DPYD: variants seen among roughly 807,000 people sequenced by gnomAD.
DPYD encodes dihydropyrimidine dehydrogenase [NADP(+)].
Under a neutral mutation model 116.2 loss-of-function variants are expected in DPYD, and 109 were observed. The observed-to-expected ratio is 0.94, with a 90% CI of 0.80 to 1.10. The LOEUF is 1.10. Among genes scored for constraint, DPYD ranks in the 50% least tolerant of loss-of-function variants. DPYD has a pLI of 0.00. For missense variants in DPYD, 1,302 were observed against 1,254.5 expected (o/e 1.04, Z -0.57); for synonymous variants, 440 against 432.0 (o/e 1.02, Z -0.23).
At position 97,593,204 on chromosome 1, in the gene DPYD, T is replaced by A; in HGVS notation, c.1128+14A>T. ...TGGAGTACAACTCCATATTTTCTGA[T>A]GGTTCCATTTTACCTCCTCAGGGAC... On this transcript the variant is annotated intron_variant, in intron 10 of 22. Transcript: ENST00000370192. 1 of 1,613,736 alleles carries A rather than the reference T, an allele frequency of 6.2e-7. No homozygotes were observed. Among genetic ancestry groups the A allele is most frequent in the East Asian group, 2.2e-5 (1 of 44,878 alleles).
At chr1:97,539,560 C>T (rs1309872254) in intron 12 of DPYD, among the ~76,000 whole-genome samples, 1 of 152,096 alleles carries the variant, frequency 6.6e-6, no homozygotes, top group African/African-American at 2.4e-5. Context: ...CCTTCCACTA[C>T]TGGTAATAAA....
chr1:97,339,989 G>T (rs984510971), intron 16 of DPYD, among the ~76,000 whole-genome samples: 2 of 152,090 alleles, frequency 1.3e-5, no homozygotes, highest in African/African-American at 4.8e-5. Flanking sequence ...GTCTTAGTGT[G>T]ATCATTGTCA....
At chr1:97,324,425 T>C (rs1233787109) in intron 16 of DPYD, among the ~76,000 whole-genome samples, 1 of 152,052 alleles carries the variant, frequency 6.6e-6, no homozygotes, top group East Asian at 1.9e-4. Context: ...CAATATCTGG[T>C]CCAATAAATT....
At chr1:97,130,707 TCTCC>T (rs1438748833) in intron 20 of DPYD, among the ~76,000 whole-genome samples, 1 of 138,250 alleles carries the variant, frequency 7.2e-6, no homozygotes, top group African/African-American at 2.7e-5. Flanking sequence ...TCCTTCCCTC[TCTCC>T]CTCTCTCTTT....
intron 18 of DPYD, 74 bp from the exon 19 acceptor site, chr1:97,235,068 C>A: frequency 6.4e-7 from 1 of 1,572,922 alleles, no homozygotes; most frequent in African/African-American, 1.3e-5. Flanking sequence ...ACTTCTATTA[C>A]TATGATGTGA....
At chr1:97,283,044 G>A (rs1665426956) in intron 18 of DPYD, among the ~76,000 whole-genome samples, 1 of 151,820 alleles carries the variant, frequency 6.6e-6, no homozygotes, top group Non-Finnish European at 1.5e-5. Context: ...GTGTCTTTAT[G>A]GTGAAATGAT....
chr1:97,085,654 A>G (rs1033063025), intron 21 of DPYD, among the ~76,000 whole-genome samples: 1 of 152,186 alleles, frequency 6.6e-6, no homozygotes, highest in Admixed American at 6.5e-5. Flanking sequence ...AGGTAGTACT[A>G]CCAGCTTATG....
At chr1:97,758,557 T>G (rs555445549) in intron 3 of DPYD, among the ~76,000 whole-genome samples, 1 of 152,264 alleles carries the variant, frequency 6.6e-6, no homozygotes, top group African/African-American at 2.4e-5. Context: ...TCCACAGCAG[T>G]AAAAATGATA....
At chr1:97,313,184 T>G (rs1282459573) in intron 16 of DPYD, among the ~76,000 whole-genome samples, 1 of 151,908 alleles carries the variant, frequency 6.6e-6, no homozygotes, top group South Asian at 2.1e-4. Flanking sequence ...ACCTGACACA[T>G]AGTAGGCATT....
intron 7 of DPYD, among the ~76,000 whole-genome samples, chr1:97,685,190 T>A (rs1348320729): frequency 2.6e-5 from 4 of 152,164 alleles, no homozygotes; most frequent in African/African-American, 9.7e-5. Flanking sequence ...TGGTTCAACA[T>A]ATGCAAATTA....
chr1:97,551,922 G>T (rs1247113617), intron 11 of DPYD, among the ~76,000 whole-genome samples: 1 of 151,988 alleles, frequency 6.6e-6, no homozygotes, highest in Non-Finnish European at 1.5e-5. Context: ...CATATACATT[G>T]TATTAGATAT....
At chr1:97,265,235 G>A (rs1290271865) in intron 18 of DPYD, among the ~76,000 whole-genome samples, 1 of 151,932 alleles carries the variant, frequency 6.6e-6, no homozygotes, top group Non-Finnish European at 1.5e-5. Context: ...TGCATGATTG[G>A]CACTGTTCAT....
chr1:97,330,826 T>C (rs1484685031), intron 16 of DPYD, among the ~76,000 whole-genome samples: 1 of 152,210 alleles, frequency 6.6e-6, no homozygotes, highest in African/African-American at 2.4e-5. Context: ...TGCTCACAGA[T>C]TTTGAGTTGC....
intron 2 of DPYD, among the ~76,000 whole-genome samples, chr1:97,873,674 A>G (rs1344721899): frequency 2.0e-5 from 3 of 151,984 alleles, no homozygotes; most frequent in African/African-American, 7.2e-5. Context: ...GATTATAATC[A>G]TAATAATTAA....
chr1:97,305,622 G>T (rs1667114176), intron 17 of DPYD, among the ~76,000 whole-genome samples: 1 of 151,836 alleles, frequency 6.6e-6, no homozygotes, highest in Non-Finnish European at 1.5e-5. Context: ...CAAATGTTTT[G>T]TATTTGGTGT....
chr1:97,829,016 T>C (rs1315642239), intron 2 of DPYD, among the ~76,000 whole-genome samples: 2 of 151,974 alleles, frequency 1.3e-5, no homozygotes, highest in Non-Finnish European at 2.9e-5. Flanking sequence ...CCGAATAGGT[T>C]TTGAGGGCAT....
chr1:97,148,827 A>C (rs1261120578), intron 20 of DPYD, among the ~76,000 whole-genome samples: 9 of 152,306 alleles, frequency 5.9e-5, no homozygotes, highest in African/African-American at 2.2e-4. Context: ...CTTACAGTTC[A>C]TTGTTTGTAT....
intron 12 of DPYD, among the ~76,000 whole-genome samples, chr1:97,541,646 A>T (rs1650460651): frequency 6.6e-6 from 1 of 152,190 alleles, no homozygotes; most frequent in Non-Finnish European, 1.5e-5. Flanking sequence ...CTGCTTATGT[A>T]ATAAATAATA....
chr1:97,282,353 T>C (rs1665380685), intron 18 of DPYD, among the ~76,000 whole-genome samples: 1 of 139,544 alleles, frequency 7.2e-6, no homozygotes, highest in African/African-American at 2.5e-5. Flanking sequence ...ATATTTTCAC[T>C]GATATTTTTC....
Sources: gnomAD v4.1 joint callset for allele counts (sites outside exome capture counted in the v4.1 genomes callset) on GRCh38, gnomAD v4.1.1 for gene constraint, MANE v1.5 for transcripts, NCBI Gene and HGNC (gene_info 2026-07-23, HGNC 2026-07-21) for gene names.